GAN: variants seen among roughly 807,000 people sequenced by gnomAD.
The protein encoded by GAN is epididymis secretory sperm binding protein.
Under a neutral mutation model 71.3 loss-of-function variants are expected in GAN, and 48 were observed. The observed-to-expected ratio is 0.67, with a 90% CI of 0.53 to 0.86. GAN has a LOEUF of 0.86. Among genes scored for constraint, GAN ranks in the 40% least tolerant of loss-of-function variants. The pLI is 0.00. For missense variants in GAN, 928 were observed against 770.1 expected, an observed-to-expected ratio of 1.21 and a Z score of -2.43; for synonymous variants, 386 against 276.8, an observed-to-expected ratio of 1.39 and a Z score of -3.92.
intron 9 of GAN, among the ~76,000 whole-genome samples, chr16:81,366,614 A>G (rs949352875): frequency 6.6e-6 from 1 of 152,250 alleles, no homozygotes; most frequent in South Asian, 2.1e-4. Context: ...CTGCAAATGC[A>G]TGTAAATGCT....
At chr16:81,374,619 C>T (rs541912012) in intron 9 of GAN, among the ~76,000 whole-genome samples, 1 of 152,324 alleles carries the variant, frequency 6.6e-6, no homozygotes, top group South Asian at 2.1e-4. Flanking sequence ...CCAGCACCAT[C>T]ATTATTGATT....
intron 1 of GAN, among the ~76,000 whole-genome samples, chr16:81,328,458 G>C (rs979012569): frequency 2.6e-5 from 4 of 152,214 alleles, no homozygotes; most frequent in African/African-American, 9.6e-5. Flanking sequence ...CAGGCTGAAT[G>C]ATGACACCAT....
At chr16:81,330,830 C>T (rs1909551750) in intron 1 of GAN, among the ~76,000 whole-genome samples, 1 of 152,212 alleles carries the variant, frequency 6.6e-6, no homozygotes, top group Admixed American at 6.5e-5. Context: ...ATCATTAGAA[C>T]AAGACATAAT....
At chr16:81,351,852 C>T (rs1449455044) in intron 2 of GAN, among the ~76,000 whole-genome samples, 155 bp downstream of exon 2, 1 of 152,112 alleles carries the variant, frequency 6.6e-6, no homozygotes, top group Non-Finnish European at 1.5e-5. Context: ...GTAATGGCAC[C>T]CCATGTGTGT....
chr16:81,368,752 C>G (rs1407791081), intron 9 of GAN, among the ~76,000 whole-genome samples: 1 of 152,230 alleles, frequency 6.6e-6, no homozygotes, highest in Non-Finnish European at 1.5e-5. Context: ...ATTCCTGCAT[C>G]TGTGTAGTGT....
chr16:81,315,259 C>G lies in GAN; in HGVS notation c.146C>G (p.Ala49Gly). The G allele has an allele frequency of 6.4e-7, 1 of 1,569,878 alleles. No individual in the cohort carries two copies. Among genetic ancestry groups the G allele is most frequent in the Non-Finnish European group, 8.6e-7 (1 of 1,159,556 alleles). ...EEIPVQKNIL[A>G]AASPYIRTKL... ...ATCCCGGTGCAGAAGAACATCCTGGCGGCGGCCAGCCCGTACATCAGGTGG... is the reference window on the plus strand; with the variant it reads ...ATCCCGGTGCAGAAGAACATCCTGGGGGCGGCCAGCCCGTACATCAGGTGG... The change falls in exon 1 of 11, where the codon GCG becomes GGG. Residue 49 changes from alanine (A) to glycine (G), a missense_variant. Transcript: ENST00000648994.
At chr16:81,334,828 G>A (rs1378090953) in intron 1 of GAN, among the ~76,000 whole-genome samples, 3 of 152,116 alleles carry the variant, frequency 2.0e-5, no homozygotes, top group Non-Finnish European at 4.4e-5. Context: ...CACCAACATC[G>A]CAATATTAAA....
chr16:81,332,962 G>A (rs1184954711), intron 1 of GAN, among the ~76,000 whole-genome samples: 1 of 152,076 alleles, frequency 6.6e-6, no homozygotes, highest in South Asian at 2.1e-4. Flanking sequence ...GTTTAGGGCC[G>A]AGTGCAATGG....
intron 1 of GAN, among the ~76,000 whole-genome samples, chr16:81,347,459 A>T (rs1910156079): frequency 6.6e-6 from 1 of 152,184 alleles, no homozygotes; most frequent in Non-Finnish European, 1.5e-5. Context: ...ATTATTGTGC[A>T]TCCCTTTCAC....
chr16:81,315,043 TCGG>T lies in GAN; in HGVS notation c.-70_-68del. On this transcript the variant is annotated 5_prime_UTR_variant, in exon 1 of 11. Coordinates refer to ENST00000648994, the MANE Select transcript of GAN (RefSeq NM_022041.4). ...GGCCGGGCGGGCGCGCGCGCAGGAC[TCGG>T]GCCGCTCGAGGGGTCCGGCCGGACG... The T allele has an allele frequency of 7.9e-7, 1 of 1,272,414 alleles. No individual in the cohort carries two copies. Among genetic ancestry groups the T allele is most frequent in the Non-Finnish European group, 1.0e-6 (1 of 980,964 alleles). The allele number at this position is 1,272,414 out of a possible 1,614,324, so 78.8% of individuals were successfully genotyped here.
At chr16:81,337,628 T>A (rs1211532586) in intron 1 of GAN, among the ~76,000 whole-genome samples, 2 of 152,228 alleles carry the variant, frequency 1.3e-5, no homozygotes, top group African/African-American at 2.4e-5. Context: ...TTGGCTCAAT[T>A]TTAATTACTT....
At chr16:81,331,678 C>T (rs1252333794) in intron 1 of GAN, among the ~76,000 whole-genome samples, 4 of 152,206 alleles carry the variant, frequency 2.6e-5, no homozygotes, top group South Asian at 2.1e-4. Flanking sequence ...GGCTGCACCC[C>T]GCTCTCTAGC....
intron 1 of GAN, among the ~76,000 whole-genome samples, chr16:81,346,125 C>T (rs900984261): frequency 6.6e-6 from 1 of 152,172 alleles, no homozygotes; most frequent in African/African-American, 2.4e-5. Flanking sequence ...TGTTAGTGTC[C>T]ATCTGGGTCT....
chr16:81,315,029 C>G lies in GAN; in HGVS notation c.-85C>G. 2 of 1,133,548 alleles carry G rather than the reference C, an allele frequency of 1.8e-6. No homozygotes were observed. The highest frequency in any genetic ancestry group is 1.2e-6 in the Non-Finnish European group (1 of 867,860). The allele number at this position is 1,133,548 out of a possible 1,614,324, so 70.2% of individuals were successfully genotyped here. A position where few individuals can be genotyped will look rare whatever the true frequency, so the allele number is the denominator to read the frequency against. On this transcript the variant is annotated 5_prime_UTR_variant, in exon 1 of 11. Coordinates refer to ENST00000648994, the MANE Select transcript of GAN (RefSeq NM_022041.4). ...AGCGCGGAGAGCCGGGCCGGGCGGGCGCGCGCGCAGGACTCGGGCCGCTCG... is the reference window on the plus strand; with the variant it reads ...AGCGCGGAGAGCCGGGCCGGGCGGGGGCGCGCGCAGGACTCGGGCCGCTCG...
At position 81,322,499 on chromosome 16, in the gene GAN, A is replaced by G. The variant is rs367953234; in HGVS notation, c.167+7219A>G. ...CTAGTTTTTAAAAGTTGACTGTTGA[A>G]TAATGAAATACAGACCAATTAAATA... is the stretch of plus-strand genomic sequence containing the variant. On this transcript the variant is annotated intron_variant, in intron 1 of 10. Transcript: ENST00000648994. Among the ~76,000 whole-genome samples the G allele has an allele frequency of 1.8e-4, 28 of 152,384 alleles. 1 individual carries two copies. The East Asian group carries it at 2.3e-3, about 13-fold the overall frequency.
At position 81,376,951 on chromosome 16, in the gene GAN, G is replaced by A. The variant is rs191665532; in HGVS notation, c.1503-268G>A. Among the ~76,000 whole-genome samples, 8 of 152,314 alleles carry A rather than the reference G, an allele frequency of 5.3e-5. No individual in the cohort carries two copies. The East Asian group carries it at 1.4e-3, about 26-fold the overall frequency. ...GACAGATGCAAACAACAGTGTGGAT[G>A]AATCTCAGAAACCTTGTGCTGAGCA... On this transcript the variant is annotated intron_variant, in intron 9 of 10. Coordinates refer to ENST00000648994, the MANE Select transcript of GAN (RefSeq NM_022041.4).
rs1311090329 is a variant in GAN at position 81,377,804 on chromosome 16, G to T, written c.*208G>T. On this transcript the variant is annotated 3_prime_UTR_variant, in exon 11 of 11. Coordinates refer to ENST00000648994, the MANE Select transcript of GAN (RefSeq NM_022041.4). ...TTGAAAAACTACCTGGGAGGAGTGA[G>T]TTCCTCCAGTTAAATGTGGCTGTAG... 4 of 595,806 alleles carry T rather than the reference G, an allele frequency of 6.7e-6. No individual in the cohort carries two copies. In the African/African-American group the frequency reaches 7.4e-5, roughly 11 times the overall value. The allele number at this position is 595,806 out of a possible 1,614,324, so 36.9% of individuals were successfully genotyped here.
intron 3 of GAN, among the ~76,000 whole-genome samples, chr16:81,355,357 C>T (rs1231992271): frequency 6.6e-6 from 1 of 152,154 alleles, no homozygotes; most frequent in Admixed American, 6.5e-5. Context: ...AATCACAGGA[C>T]TTGAGGGTTT....
rs1441192997 is a variant in GAN at position 81,318,993 on chromosome 16, CTT to C, written c.167+3715_167+3716del. Among the ~76,000 whole-genome samples the C allele has an allele frequency of 5.3e-5, 8 of 152,100 alleles. No homozygotes were observed. In the Middle Eastern group the frequency reaches 0.01, roughly 194 times the overall value. ...TTTTGGTTCCTGGGTGAGATTTTCT[CTT>C]TGGTTTGTTGGGGAAACTAAACCTA... On this transcript the variant is annotated intron_variant, in intron 1 of 10. Transcript: ENST00000648994.
Sources: allele counts gnomAD v4.1 joint callset (sites outside exome capture counted in the v4.1 genomes callset), GRCh38; gene constraint gnomAD v4.1.1; transcripts MANE v1.5; gene names NCBI Gene and HGNC (gene_info 2026-07-23, HGNC 2026-07-21).